The following CNIH3 variants were observed in gnomAD, a reference collection of about 807,000 sequenced individuals.
The protein encoded by CNIH3 is cornichon family AMPA receptor auxiliary protein 3.
In CNIH3, 14 loss-of-function variants were observed where a neutral mutation model predicts 24.1. The observed-to-expected ratio is 0.58, with a 90% CI of 0.38 to 0.91. The LOEUF (loss-of-function observed/expected upper bound fraction) is 0.91, where lower values mean the gene tolerates loss of function less well. CNIH3 is among the 40% of genes least tolerant of loss of function. CNIH3 has a pLI of 0.00. For missense variants in CNIH3, 178 were observed against 196.8 expected (o/e 0.90, Z 0.57); for synonymous variants, 68 against 73.8 (o/e 0.92, Z 0.40).
intron 1 of CNIH3, among the ~76,000 whole-genome samples, chr1:224,457,511 ATTTTTTTTTTT>A (rs943521801): frequency 1.8e-5 from 2 of 111,204 alleles, no homozygotes; most frequent in Admixed American, 9.4e-5. Context: ...TGGTCTGGGG[ATTTTTTTTTTT>A]TTTTTTTTTT....
At chr1:224,666,159 A>G (rs1685588801) in intron 1 of CNIH3, among the ~76,000 whole-genome samples, 1 of 152,224 alleles carries the variant, frequency 6.6e-6, no homozygotes, top group Admixed American at 6.5e-5. Context: ...AAAATCACAC[A>G]GTCAAAAGCC....
Position 224,604,796 on chromosome 1 carries a change from T to TACCC in CNIH3, n.402+38535_402+38538dup, listed in dbSNP as rs1381000179. Among the ~76,000 whole-genome samples the TACCC allele has an allele frequency of 1.3e-5, 2 of 152,216 alleles. No individual in the cohort carries two copies. The highest frequency in any genetic ancestry group is 2.4e-5 in the African/African-American group (1 of 41,454). On this transcript the variant is annotated intron_variant and non_coding_transcript_variant, in intron 3 of 7. Coordinates refer to the CNIH3 transcript ENST00000478120. The surrounding 1 kb of genome is among the most constrained non-coding windows in gnomAD (Gnocchi z 4.4). ...CCCAGCTCGCCTGTGTTATAGCTTA[T>TACCC]ACCCACATTTGGTGGTTCCTGAGCT... is the stretch of plus-strand genomic sequence containing the variant.
At chr1:224,668,352 G>C (rs1685696781) in intron 1 of CNIH3, among the ~76,000 whole-genome samples, 1 of 152,174 alleles carries the variant, frequency 6.6e-6, no homozygotes, top group Non-Finnish European at 1.5e-5. Flanking sequence ...TGCTCAATAG[G>C]CTACCATGCC....
chr1:224,684,880 G>T lies in CNIH3; in HGVS notation c.198+37G>T, dbSNP rs183654996. 1 of 1,596,530 alleles carries T rather than the reference G, an allele frequency of 6.3e-7. No homozygotes were observed. The highest frequency in any genetic ancestry group is 1.1e-5 in the South Asian group (1 of 90,748). ...AGCTTCATGCCGAGGATGGAGGATC[G>T]CATGGTGGTGGGTGGGCACACAGTG... On this transcript the variant is annotated intron_variant, in intron 3 of 5. Coordinates refer to ENST00000272133, the MANE Select transcript of CNIH3 (RefSeq NM_152495.2). The surrounding 1 kb of genome is among the most constrained non-coding windows in gnomAD (Gnocchi z 4.2).
intron 1 of CNIH3, among the ~76,000 whole-genome samples, chr1:224,486,078 C>T (rs1677018552): frequency 6.6e-6 from 1 of 151,930 alleles, no homozygotes; most frequent in Non-Finnish European, 1.5e-5. Flanking sequence ...CCAGGGGTTA[C>T]CACAGGCATC....
At chr1:224,488,466 T>TGGGG in intron 1 of CNIH3, among the ~76,000 whole-genome samples, 1 of 134,632 alleles carries the variant, frequency 7.4e-6, no homozygotes, top group African/African-American at 2.8e-5. Context: ...AATTTTTTTT[T>TGGGG]GGGGGGTGGG....
At chr1:224,575,954 G>C (rs911290423) in intron 4 of CNIH3, among the ~76,000 whole-genome samples, 1 of 152,102 alleles carries the variant, frequency 6.6e-6, no homozygotes, top group African/African-American at 2.4e-5. Flanking sequence ...ACATATAAAA[G>C]GGAACTTTAT....
chr1:224,646,164 A>G (rs1230814712), intron 1 of CNIH3, among the ~76,000 whole-genome samples: 2 of 113,574 alleles, frequency 1.8e-5, no homozygotes, highest in African/African-American at 7.1e-5. Flanking sequence ...TGGAGGTTCA[A>G]TTCAAGGTCA....
chr1:224,661,604 C>T (rs778191567), intron 1 of CNIH3: 10 of 359,066 alleles, frequency 2.8e-5, no homozygotes, highest in Non-Finnish European at 4.8e-5. Flanking sequence ...ACATCATCTA[C>T]GTTATGAAAT....
At chr1:224,578,359 C>A (rs1681126015) in intron 4 of CNIH3, among the ~76,000 whole-genome samples, 1 of 152,192 alleles carries the variant, frequency 6.6e-6, no homozygotes, top group African/African-American at 2.4e-5. Flanking sequence ...GTATTTCCAA[C>A]AATTTCATCT....
At chr1:224,697,500 T>C (rs1316646549) in intron 3 of CNIH3, among the ~76,000 whole-genome samples, 1 of 152,076 alleles carries the variant, frequency 6.6e-6, no homozygotes, top group Non-Finnish European at 1.5e-5. Flanking sequence ...GTAAAAGCAA[T>C]AATTTGCCAA....
At chr1:224,702,864 C>G (rs1434076916) in intron 3 of CNIH3, among the ~76,000 whole-genome samples, 1 of 152,158 alleles carries the variant, frequency 6.6e-6, no homozygotes, top group African/African-American at 2.4e-5. Flanking sequence ...ATTTCTTCCC[C>G]ACTCCTCGGG....
chr1:224,522,548 C>G (rs1678680093), intron 2 of CNIH3, among the ~76,000 whole-genome samples: 1 of 152,194 alleles, frequency 6.6e-6, no homozygotes, highest in African/African-American at 2.4e-5. Flanking sequence ...ACACAAACAA[C>G]TCCAGCAAAT....
intron 1 of CNIH3, among the ~76,000 whole-genome samples, chr1:224,625,619 C>G (rs987398814): frequency 1.3e-5 from 2 of 152,212 alleles, no homozygotes; most frequent in African/African-American, 4.8e-5. Flanking sequence ...CTTGGTAGCT[C>G]TCTCTGTGTA....
At chr1:224,473,973 A>G (rs1676467590) in intron 1 of CNIH3, among the ~76,000 whole-genome samples, 1 of 152,206 alleles carries the variant, frequency 6.6e-6, no homozygotes, top group Non-Finnish European at 1.5e-5. Flanking sequence ...AAATAAAACT[A>G]AAAACCAATA....
chr1:224,455,502 G>A (rs540106914), intron 1 of CNIH3, among the ~76,000 whole-genome samples: 1 of 152,272 alleles, frequency 6.6e-6, no homozygotes, highest in East Asian at 1.9e-4. Context: ...GACTTACCAG[G>A]AATCTAGTAG....
chr1:224,586,406 G>A (rs1681510589), intron 5 of CNIH3, among the ~76,000 whole-genome samples: 1 of 152,154 alleles, frequency 6.6e-6, no homozygotes, highest in African/African-American at 2.4e-5. Context: ...CAGATCACAT[G>A]AGACTTATTC....
At chr1:224,737,810 G>C (rs892698128) in intron 5 of CNIH3, among the ~76,000 whole-genome samples, 30 of 152,304 alleles carry the variant, frequency 2.0e-4, no homozygotes, top group African/African-American at 7.2e-4. Flanking sequence ...TATCCTGTTT[G>C]AACCGCATGG....
intron 3 of CNIH3, among the ~76,000 whole-genome samples, chr1:224,707,145 G>A (rs1217017025): frequency 2.0e-5 from 3 of 151,728 alleles, no homozygotes; most frequent in Non-Finnish European, 2.9e-5. Flanking sequence ...TGTATTTTTA[G>A]TAGACATGGG....
Sources: allele counts gnomAD v4.1 joint callset (sites outside exome capture counted in the v4.1 genomes callset), GRCh38; gene constraint gnomAD v4.1.1; non-coding constraint Gnocchi (gnomAD v3.1); transcripts MANE v1.5; gene names NCBI Gene and HGNC (gene_info 2026-07-23, HGNC 2026-07-21).